The following GABRB1 variants were observed in gnomAD, a reference collection of about 807,000 sequenced individuals.
The protein encoded by GABRB1 is gamma-aminobutyric acid receptor subunit beta-1.
Under a neutral mutation model 51.6 loss-of-function variants are expected in GABRB1, and 17 were observed. The observed-to-expected ratio is 0.33, with a 90% confidence interval of 0.23 to 0.49. GABRB1 has a LOEUF of 0.49. Among genes scored for constraint, GABRB1 ranks in the 20% least tolerant of loss-of-function variants. The pLI is 0.99. For synonymous variants in GABRB1, 247 were observed against 218.9 expected, an observed-to-expected ratio of 1.13 and a Z score of -1.14; for missense variants, 410 against 600.6, an observed-to-expected ratio of 0.68 and a Z score of 3.32.
intron 4 of GABRB1, among the ~76,000 whole-genome samples, chr4:47,295,519 T>G (rs530600122): frequency 2.6e-5 from 4 of 151,786 alleles, no homozygotes; most frequent in African/African-American, 7.3e-5. Flanking sequence ...TGATGGAAGA[T>G]GAAATGAATG....
At chr4:47,217,975 T>C (rs1426792151) in intron 4 of GABRB1, among the ~76,000 whole-genome samples, 3 of 151,744 alleles carry the variant, frequency 2.0e-5, no homozygotes, top group Non-Finnish European at 4.4e-5. Context: ...CCAATCTTTC[T>C]TCATCCTCCC....
intron 3 of GABRB1, among the ~76,000 whole-genome samples, chr4:47,127,275 A>G (rs1223762569): frequency 6.6e-6 from 1 of 151,856 alleles, no homozygotes; most frequent in Non-Finnish European, 1.5e-5. Flanking sequence ...AAGAACTGGA[A>G]TTGTAAAACA....
chr4:47,235,100 A>G (rs886853953), intron 4 of GABRB1, among the ~76,000 whole-genome samples: 28 of 152,266 alleles, frequency 1.8e-4, no homozygotes, highest in African/African-American at 6.7e-4. Context: ...AACTTTATCT[A>G]GATCATATCC....
At chr4:47,026,890 C>T (rs1455296321), upstream of GABRB1, among the ~76,000 whole-genome samples, 1 of 151,944 alleles carries the variant, frequency 6.6e-6, no homozygotes, top group Non-Finnish European at 1.5e-5. Context: ...AGAATGTAAA[C>T]TGTCATTAGA....
intron 4 of GABRB1, among the ~76,000 whole-genome samples, chr4:47,206,845 TTATAA>T (rs1720143865): frequency 6.6e-6 from 1 of 151,458 alleles, no homozygotes. Context: ...GTTTATTGAA[TTATAA>T]TATATATGTA....
rs895468811 is a variant in GABRB1 at position 47,260,022 on chromosome 4, A to T, written c.462-60105A>T. On this transcript the variant is annotated intron_variant, in intron 4 of 8. Coordinates refer to ENST00000295454, the MANE Select transcript of GABRB1 (RefSeq NM_000812.4). Reference sequence around the variant, plus strand: ...AATCTGATGCTCCTGTATTGGGTGCATACATATTTAGGATAGTTAGCTCTT... The same window carrying T: ...AATCTGATGCTCCTGTATTGGGTGCTTACATATTTAGGATAGTTAGCTCTT... Among the ~76,000 whole-genome samples the T allele has an allele frequency of 1.1e-4, 17 of 152,260 alleles. 2 individuals carry two copies. Among genetic ancestry groups the T allele is most frequent in the Admixed American group, 7.2e-4 (11 of 15,292 alleles).
upstream of GABRB1, chr4:47,031,519 C>T: frequency 2.8e-6 from 2 of 707,704 alleles, no homozygotes; most frequent in Admixed American, 4.5e-5. Context: ...GTTTGCAAGG[C>T]ACAAGGTGTC....
At chr4:47,006,589 T>A (rs1724407481) in intron 1 of GABRB1, among the ~76,000 whole-genome samples, 1 of 152,162 alleles carries the variant, frequency 6.6e-6, no homozygotes, top group Non-Finnish European at 1.5e-5. Context: ...ATACTGTTTA[T>A]CAAGTGGGGA....
intron 5 of GABRB1, among the ~76,000 whole-genome samples, chr4:47,349,523 G>T (rs1426728744): frequency 6.6e-6 from 1 of 152,130 alleles, no homozygotes; most frequent in East Asian, 1.9e-4. Flanking sequence ...AGTTTTTAAT[G>T]TCCCAGCATT....
At chr4:47,279,123 G>A (rs995386402) in intron 4 of GABRB1, among the ~76,000 whole-genome samples, 7 of 151,860 alleles carry the variant, frequency 4.6e-5, no homozygotes, top group African/African-American at 1.2e-4. Context: ...TGGATGGATG[G>A]ATGGATGGAT....
At position 47,374,523 on chromosome 4, in the gene GABRB1, G is replaced by A. The variant is rs770413918; in HGVS notation, c.545-28795G>A. Among the ~76,000 whole-genome samples, 101 of 152,330 alleles carry A rather than the reference G, an allele frequency of 6.6e-4. No individual in the cohort carries two copies. In the Middle Eastern group the frequency reaches 0.017, roughly 26 times the overall value. ...TTTGTTTAGGAGACCTTATCCAAAG[G>A]AGTAGAGTAGCGAGGGGAACTTGCA... On this transcript the variant is annotated intron_variant, in intron 5 of 8. Transcript: ENST00000295454.
chr4:47,334,962 C>T (rs1725639734), intron 5 of GABRB1, among the ~76,000 whole-genome samples: 1 of 152,092 alleles, frequency 6.6e-6, no homozygotes, highest in Non-Finnish European at 1.5e-5. Context: ...GTAATATCTT[C>T]CTGGGCAGAG....
intron 1 of GABRB1, among the ~76,000 whole-genome samples, chr4:46,998,867 A>AC (rs80009800): frequency 0.19 from 28,245 of 151,888 alleles, 3,000 homozygotes; most frequent in Admixed American, 0.28. Context: ...TATTCATCAG[A>AC]CTTGAATTCT....
At chr4:47,354,228 G>A (rs1181890679) in intron 5 of GABRB1, among the ~76,000 whole-genome samples, 2 of 152,160 alleles carry the variant, frequency 1.3e-5, no homozygotes, top group Non-Finnish European at 2.9e-5. Flanking sequence ...TTCATGACCA[G>A]TTGGTGAGTA....
At chr4:47,304,630 T>G (rs1724381035) in intron 4 of GABRB1, among the ~76,000 whole-genome samples, 1 of 152,026 alleles carries the variant, frequency 6.6e-6, no homozygotes, top group Non-Finnish European at 1.5e-5. Context: ...TTGACATAAT[T>G]TTTCCAGTTT....
intron 4 of GABRB1, among the ~76,000 whole-genome samples, chr4:47,222,912 T>G (rs1720815744): frequency 6.6e-6 from 1 of 152,252 alleles, no homozygotes; most frequent in African/African-American, 2.4e-5. Flanking sequence ...TTCATTTCTC[T>G]CTTAGGTTTT....
At chr4:47,412,730 A>G (rs1352231727) in intron 8 of GABRB1, among the ~76,000 whole-genome samples, 1 of 152,072 alleles carries the variant, frequency 6.6e-6, no homozygotes, top group African/African-American at 2.4e-5. Flanking sequence ...CTGCAGAGAG[A>G]GGGGTCCCAA....
intron 3 of GABRB1, among the ~76,000 whole-genome samples, chr4:47,121,477 T>A (rs535560361): frequency 5.3e-5 from 8 of 152,254 alleles, no homozygotes. Flanking sequence ...CTTTTTTGTG[T>A]CAATAGTTGT....
chr4:47,225,840 T>A (rs576685811), intron 4 of GABRB1, among the ~76,000 whole-genome samples: 16 of 152,252 alleles, frequency 1.1e-4, no homozygotes, highest in Admixed American at 8.5e-4. Context: ...AGAAATTTCT[T>A]CCAGTAAATG....
Sources: allele counts gnomAD v4.1 joint callset (sites outside exome capture counted in the v4.1 genomes callset), GRCh38; gene constraint gnomAD v4.1.1; transcripts MANE v1.5; gene names NCBI Gene and HGNC (gene_info 2026-07-23, HGNC 2026-07-21).